The following PLCB2 variants were observed in gnomAD, a reference collection of about 807,000 sequenced individuals.
The protein encoded by PLCB2 is 1-phosphatidylinositol 4,5-bisphosphate phosphodiesterase beta-2.
PLCB2 carries 115 observed loss-of-function variants against 141.7 expected under a neutral mutation model. The ratio of observed to expected loss-of-function variants is 0.81; its 90% CI spans 0.70 to 0.95. PLCB2 has a LOEUF of 0.95. PLCB2 is among the 40% of genes least tolerant of loss of function. The pLI is 0.00. For synonymous variants in PLCB2, 603 were observed against 595.6 expected, an observed-to-expected ratio of 1.01 and a Z score of -0.18; for missense variants, 1,403 against 1,541.1, an observed-to-expected ratio of 0.91 and a Z score of 1.50.
chr15:40,287,810 A>G (rs2039641045), downstream of PLCB2: 2 of 494,486 alleles, frequency 4.0e-6, no homozygotes, highest in Non-Finnish European at 5.2e-6. Flanking sequence ...TCAGCTCCCA[A>G]GAGATTTTTT....
intron 1 of PLCB2, among the ~76,000 whole-genome samples, chr15:40,306,703 G>A (rs74013046): frequency 0.017 from 2,549 of 152,212 alleles, 76 homozygotes; most frequent in African/African-American, 0.058. Context: ...CTCCCATCAG[G>A]TGGACAAGTC....
chr15:40,297,885 A>G lies in PLCB2; in HGVS notation c.1230T>C (p.His410=), dbSNP rs2040308122. 1.2e-6 allele frequency: 2 copies of G among 1,612,948 alleles called. No individual in the cohort carries two copies. Among genetic ancestry groups the G allele is most frequent in the Non-Finnish European group, 8.5e-7 (1 of 1,178,986 alleles). ...PYPIILSFEN[H]VDSPRQQAKM... ...TGGGCCTGGATACGCACGAGTCCAC[A>G]TGGTTCTCAAACGACAGGATGATGG... Residue 410 remains histidine (H), a synonymous_variant, in exon 12 of 32, where the codon CAT becomes CAC. Transcript: ENST00000260402. The surrounding 1 kb of genome is among the most constrained non-coding windows in gnomAD (Gnocchi z 4.2).
Position 40,298,891 on chromosome 15 carries a change from G to C in PLCB2, c.757C>G (p.Arg253Gly). Reference protein sequence around the residue: ...KFINQKQRDSRLNSLLFPPAR... With the variant: ...KFINQKQRDSGLNSLLFPPAR... ...GGCGGGAACAGCAGGGAGTTAAGCCGGGAGTCCCGCTGTTTCTGGTTGATG... is the reference window on the plus strand; with the variant it reads ...GGCGGGAACAGCAGGGAGTTAAGCCCGGAGTCCCGCTGTTTCTGGTTGATG... Residue 253 changes from arginine to glycine, a missense_variant, in exon 9 of 32, where the codon CGG (arginine) becomes GGG (glycine). Physicochemically the swap from Arg to Gly is moderately radical, Grantham distance 125. Transcript: ENST00000260402. 6.2e-7 allele frequency: 1 copy of C among 1,611,678 alleles called. No homozygotes were observed. The highest frequency in any genetic ancestry group is 8.5e-7 in the Non-Finnish European group (1 of 1,180,008).
chr15:40,305,352 C>G (rs1477188470), intron 1 of PLCB2, among the ~76,000 whole-genome samples: 3 of 152,220 alleles, frequency 2.0e-5, no homozygotes, highest in Non-Finnish European at 2.9e-5. Flanking sequence ...CCTTTCCCCC[C>G]ACCCCACAAC....
At chr15:40,289,480 T>G in intron 30 of PLCB2, 122 bp from the exon 31 acceptor site, 1 of 726,140 alleles carries the variant, frequency 1.4e-6, no homozygotes, top group Non-Finnish European at 2.5e-6. Flanking sequence ...CATTAGGTAG[T>G]TTTTAAAATT....
chr15:40,303,763 C>T, intron 2 of PLCB2: 1 of 498,866 alleles, frequency 2.0e-6, no homozygotes, highest in Non-Finnish European at 3.6e-6. Context: ...TTTCGCCTGT[C>T]TCTCTCTCTC....
intron 30 of PLCB2, chr15:40,289,685 T>C: frequency 1.9e-6 from 1 of 513,414 alleles, no homozygotes; most frequent in Non-Finnish European, 3.5e-6. Flanking sequence ...CCTCACTCCC[T>C]CTTCATCCCC....
At chr15:40,307,530 G>A (rs374869515) in intron 1 of PLCB2, 59 bp downstream of exon 1, 70 of 1,112,940 alleles carry the variant, frequency 6.3e-5, no homozygotes, top group Admixed American at 5.8e-4. Context: ...GCAAAGCCCC[G>A]TAGCAGCCCG....
At chr15:40,284,417 A>G (rs922809936), downstream of PLCB2, 3 of 425,904 alleles carry the variant, frequency 7.0e-6, no homozygotes, top group Admixed American at 5.3e-5. Flanking sequence ...CTGAGGGCTG[A>G]ATTCTTCTGC....
At chr15:40,285,747 G>A, downstream of PLCB2, 3 of 985,394 alleles carry the variant, frequency 3.0e-6, no homozygotes, top group Non-Finnish European at 3.6e-6. Context: ...AGAGGAGGGT[G>A]TACCCCTGGA....
rs1056855511 is a variant in PLCB2 at position 40,307,935 on chromosome 15, T to C, written c.-263A>G. ...CATGGGGGCCTGTGGTCACTGCTTC[T>C]GCCCAAGGAGGCTGAAGCAGGAAGC... is the stretch of plus-strand genomic sequence containing the variant. On this transcript the variant is annotated 5_prime_UTR_variant, in exon 1 of 32. Coordinates refer to ENST00000260402, the MANE Select transcript of PLCB2 (RefSeq NM_004573.3). The C allele has an allele frequency of 3.0e-6, 1 of 329,020 alleles. No individual in the cohort carries two copies. The highest frequency in any genetic ancestry group is 5.5e-6 in the Non-Finnish European group (1 of 181,958). The allele number at this position is 329,020 out of a possible 1,614,324, so 20.4% of individuals were successfully genotyped here.
At chr15:40,291,236 A>C in intron 26 of PLCB2, 29 bp downstream of exon 26, 1 of 1,572,794 alleles carries the variant, frequency 6.4e-7, no homozygotes, top group East Asian at 2.3e-5. Flanking sequence ...CCCGCGCTGC[A>C]GAGGGCAGGG....
At chr15:40,290,699 T>G in intron 28 of PLCB2, 27 bp from the exon 29 acceptor site, 1 of 1,611,894 alleles carries the variant, frequency 6.2e-7, no homozygotes, top group Non-Finnish European at 8.5e-7. Flanking sequence ...ATGAAGGAGC[T>G]GTTTTGTGCG....
chr15:40,286,055 C>T, downstream of PLCB2: 2 of 984,940 alleles, frequency 2.0e-6, no homozygotes, highest in Non-Finnish European at 2.4e-6. Flanking sequence ...GCTCTGACTT[C>T]TCTATGGGCT....
At position 40,298,836 on chromosome 15, in the gene PLCB2, A is replaced by C; in HGVS notation, c.812T>G (p.Ile271Ser). The C allele has an allele frequency of 6.2e-7, 1 of 1,613,820 alleles. No individual in the cohort carries two copies. Among genetic ancestry groups the C allele is most frequent in the Non-Finnish European group, 8.5e-7 (1 of 1,179,990 alleles). ...PARPDQVQGLIDKYEPSGINA... is the reference protein window; with the variant it reads ...PARPDQVQGLSDKYEPSGINA... Reference sequence around the variant, plus strand: ...GATGCCACTGGGCTCATACTTGTCGATGAGGCCCTGCACCTGGTCAGGCCG... The same window carrying C: ...GATGCCACTGGGCTCATACTTGTCGCTGAGGCCCTGCACCTGGTCAGGCCG... The change falls in exon 9 of 32, where the codon ATC (isoleucine) becomes AGC (serine). Residue 271 changes from isoleucine to serine, a missense_variant. Physicochemically the swap from Ile to Ser is moderately radical, Grantham distance 142 (BLOSUM62 -2). Coordinates refer to ENST00000260402, the MANE Select transcript of PLCB2 (RefSeq NM_004573.3).
chr15:40,289,155 G>C (rs2039711213), intron 31 of PLCB2, 117 bp downstream of exon 31: 1 of 1,062,682 alleles, frequency 9.4e-7, no homozygotes. Context: ...GGACCCCACA[G>C]TGAAGGATGA....
Position 40,288,221 on chromosome 15 carries a change from GAGGTAGTGCCAGGATCTGCCTCA to G in PLCB2, c.*471_*493del, listed in dbSNP as rs2039659818. On this transcript the variant is annotated 3_prime_UTR_variant, in exon 32 of 32. Coordinates refer to ENST00000260402, the MANE Select transcript of PLCB2 (RefSeq NM_004573.3). ...GGAGTGGCCGTCCCCAGGGAGCTGT[GAGGTAGTGCCAGGATCTGCCTCA>G]AGGAGTGGACAAGGCCAACTCAGGG... is the stretch of plus-strand genomic sequence containing the variant. The G allele has an allele frequency of 1.0e-6, 1 of 985,960 alleles. No homozygotes were observed. The highest frequency in any genetic ancestry group is 4.7e-5 in the South Asian group (1 of 21,306). 61.1% of individuals were successfully genotyped at this position (985,960 alleles called of 1,614,324 possible). A position where few individuals can be genotyped will look rare whatever the true frequency, so the allele number is the denominator to read the frequency against.
downstream of PLCB2, chr15:40,285,544 T>G: frequency 1.0e-6 from 1 of 985,448 alleles, no homozygotes; most frequent in Non-Finnish European, 1.2e-6. Context: ...CCCTCAAAGC[T>G]GCTCCCGCCC....
In PLCB2 at chr15:40,297,464, C is replaced by T. The variant is rs2141111356; in HGVS notation, c.1323+57G>A. 6 of 1,352,974 alleles carry T rather than the reference C, an allele frequency of 4.4e-6. No homozygotes were observed. Among genetic ancestry groups the T allele is most frequent in the South Asian group, 2.3e-5 (2 of 85,792 alleles). 83.8% of individuals were successfully genotyped at this position (1,352,974 alleles called of 1,614,324 possible). ...GTCTCCCTCCCTAACCTGGTTCTCA[C>T]CCTGCCCCAGGTTCCCAGGCCCAAG... On this transcript the variant is annotated intron_variant, in intron 13 of 31. Transcript: ENST00000260402. This position sits in a 1 kb window ranked among gnomAD's most constrained non-coding sequence, Gnocchi z 4.2.
Sources: allele counts gnomAD v4.1 joint callset (sites outside exome capture counted in the v4.1 genomes callset), GRCh38; gene constraint gnomAD v4.1.1; non-coding constraint Gnocchi (gnomAD v3.1); transcripts MANE v1.5; gene names NCBI Gene and HGNC (gene_info 2026-07-23, HGNC 2026-07-21).